Variants in TMEM67 observed in about 807,000 individuals in gnomAD.
TMEM67 encodes transmembrane protein 67, also known as meckelin.
A neutral mutation model predicts 136.6 loss-of-function variants in TMEM67; 124 were observed. That is an observed-to-expected ratio of 0.91 (90% confidence interval 0.78 to 1.05). TMEM67 has a LOEUF of 1.05. Ranked by LOEUF, TMEM67 falls within the 50% of genes least tolerant of loss-of-function variation. TMEM67 has a pLI of 0.00. For synonymous variants in TMEM67, 364 were observed against 390.5 expected (o/e 0.93, Z 0.80); for missense variants, 1,107 against 1,178.4 (o/e 0.94, Z 0.89).
chr8:93,792,773 CTT>C (rs11379711), intron 15 of TMEM67, among the ~76,000 whole-genome samples: 18 of 136,046 alleles, frequency 1.3e-4, no homozygotes, highest in East Asian at 4.2e-4. Context: ...TGTGTCCTTT[CTT>C]TTTTTTTTTT....
chr8:93,755,751 CTTTTTTTTTTTTT>C lies in TMEM67; in HGVS notation c.224-15_224-3del. 2 of 632,468 alleles carry C rather than the reference CTTTTTTTTTTTTT, an allele frequency of 3.2e-6. No homozygotes were observed. The highest frequency in any genetic ancestry group is 2.4e-6 in the Non-Finnish European group (1 of 418,650). 39.2% of individuals were successfully genotyped at this position (632,468 alleles called of 1,614,324 possible). On this transcript the variant is annotated splice_polypyrimidine_tract_variant and intron_variant, in intron 1 of 27. Transcript: ENST00000453321. ...TTTTATTTATCAAGGATAAAATTGG[CTTTTTTTTTTTTT>C]TTTTTTTTTTTAGGAACTTCATGTG...
Position 93,765,584 on chromosome 8 carries a change from T to C in TMEM67, c.589T>C (p.Cys197Arg). 6.2e-7 allele frequency: 1 copy of C among 1,613,126 alleles called. No homozygotes were observed. The highest frequency in any genetic ancestry group is 8.5e-7 in the Non-Finnish European group (1 of 1,179,080). ...TTTATTTATGAAGACAGGGGGATTA[T>C]GTTTCAGCAGCACAGGGAATTTTCC... ...SEPNILTGGL[C>R]FSSTGNFPLR... The change falls in exon 6 of 28, where the codon TGT becomes CGT. Residue 197 changes from cysteine to arginine, a missense_variant. Cys to Arg is a radical substitution (Grantham distance 180). This residue lies in a region of TMEM67 where 925 missense variants were observed against 1,002.4 expected (regional missense o/e 0.92). Transcript: ENST00000453321.
chr8:93,772,805 A>T (rs1027785635), intron 7 of TMEM67, among the ~76,000 whole-genome samples, 154 bp downstream of exon 7: 2 of 152,232 alleles, frequency 1.3e-5, no homozygotes, highest in African/African-American at 4.8e-5. Flanking sequence ...CTGAAAGAGA[A>T]TACATGAAGA....
downstream of TMEM67, among the ~76,000 whole-genome samples, chr8:93,823,142 A>G (rs1002239621): frequency 1.3e-5 from 2 of 152,234 alleles, no homozygotes; most frequent in African/African-American, 4.8e-5. Context: ...ACATAAAAGT[A>G]TCATCTTACA....
chr8:93,819,724 G>A (rs1216854701), downstream of TMEM67, among the ~76,000 whole-genome samples: 5 of 152,172 alleles, frequency 3.3e-5, no homozygotes, highest in Admixed American at 3.3e-4. Flanking sequence ...TGTGCTCAGA[G>A]ACAAAGCAGC....
rs587779735 is a variant in TMEM67, at chr8:93,755,751, CTTTTTTT to C, written c.224-9_224-3del. 61 of 633,080 alleles carry C rather than the reference CTTTTTTT, an allele frequency of 9.6e-5. No individual in the cohort carries two copies. The highest frequency in any genetic ancestry group is 3.0e-4 in the African/African-American group (10 of 33,026). 39.2% of individuals were successfully genotyped at this position (633,080 alleles called of 1,614,324 possible). ...TTTTATTTATCAAGGATAAAATTGG[CTTTTTTT>C]TTTTTTTTTTTTTTTTTAGGAACTT... On this transcript the variant is annotated intron_variant, in intron 1 of 27. Coordinates refer to ENST00000453321, the MANE Select transcript of TMEM67 (RefSeq NM_153704.6).
rs760114713 is a variant in TMEM67, at chr8:93,793,282, A to G, written c.1660A>G (p.Met554Val). Reference sequence around the variant, plus strand: ...ATGGAAGAGGCGCATTGGGAGTCCCATGATTGATTTACAGGTATAATCTCA... The same window carrying G: ...ATGGAAGAGGCGCATTGGGAGTCCCGTGATTGATTTACAGGTATAATCTCA... The part of the protein sequence containing the change: ...AGWKRRIGSP[M>V]IDLQTVVKFL... The change falls in exon 16 of 28, where the codon ATG becomes GTG. Residue 554 changes from methionine (M) to valine (V), a missense_variant. Around this residue, in one of 3 missense-constraint regions of TMEM67, gnomAD observed 925 missense variants for 1,002.4 expected, o/e 0.92. Transcript: ENST00000453321. 2.5e-6 allele frequency: 4 copies of G among 1,613,648 alleles called. No homozygotes were observed. The highest frequency in any genetic ancestry group is 2.2e-5 in the East Asian group (1 of 44,882).
chr8:93,827,747 C>T, the TMEM67 span, among the ~76,000 whole-genome samples: 14 of 151,548 alleles, frequency 9.2e-5, no homozygotes, highest in African/African-American at 2.9e-4. Context: ...CATGAGCCAC[C>T]GTGCCTGGCT....
Position 93,754,922 on chromosome 8 carries a change from C to T in TMEM67, c.8C>T (p.Thr3Met), listed in dbSNP as rs779950527. The change falls in exon 1 of 28, where the codon ACG (threonine) becomes ATG (methionine). Residue 3 changes from threonine to methionine, a missense_variant. By Grantham distance (81) the Thr-to-Met change is moderately conservative. Around this residue, in one of 3 missense-constraint regions of TMEM67, gnomAD observed 178 missense variants for 159.2 expected, o/e 1.12. Transcript: ENST00000453321. The part of the protein sequence containing the change: MA[T>M]RGGAGVAMAV... ...GCTTCCAGCGTCGGTACCATGGCGA[C>T]GCGCGGTGGGGCTGGGGTGGCAATG... 68 of 1,613,640 alleles carry T rather than the reference C, an allele frequency of 4.2e-5. No individual in the cohort carries two copies. The highest frequency in any genetic ancestry group is 5.6e-5 in the Non-Finnish European group (66 of 1,180,008).
At chr8:93,819,194 T>C (rs1341670706), downstream of TMEM67, 2 of 440,872 alleles carry the variant, frequency 4.5e-6, no homozygotes, top group South Asian at 1.7e-5. Flanking sequence ...CCCCAAAATA[T>C]ATTTTTTTCT....
At chr8:93,776,892 T>G (rs1371542913) in intron 7 of TMEM67, among the ~76,000 whole-genome samples, 2 of 152,204 alleles carry the variant, frequency 1.3e-5, no homozygotes, top group African/African-American at 4.8e-5. Context: ...GGATTCCCTC[T>G]TTTTCTATTG....
the TMEM67 span, among the ~76,000 whole-genome samples, chr8:93,825,323 A>G: frequency 2.6e-5 from 4 of 152,228 alleles, no homozygotes; most frequent in Non-Finnish European, 5.9e-5. Flanking sequence ...GTTTCAACTG[A>G]CCACAGGCTC....
At chr8:93,764,021 T>C in intron 4 of TMEM67, 80 bp downstream of exon 4, 1 of 937,392 alleles carries the variant, frequency 1.1e-6, no homozygotes, top group Non-Finnish European at 1.7e-6. Context: ...AGTGTTTTCC[T>C]ATCATATCAC....
intron 7 of TMEM67, among the ~76,000 whole-genome samples, chr8:93,775,411 T>C (rs1351805793): frequency 6.6e-6 from 1 of 152,186 alleles, no homozygotes; most frequent in Non-Finnish European, 1.5e-5. Flanking sequence ...GGTGTTTTAG[T>C]CATGAAGTCC....
chr8:93,756,540 G>A (rs1370512741), intron 2 of TMEM67: 1 of 152,116 alleles, frequency 6.6e-6, no homozygotes, highest in Non-Finnish European at 1.5e-5. Context: ...GGAATTTAAT[G>A]TGAAGTTATC....
intron 27 of TMEM67, 152 bp downstream of exon 27, chr8:93,815,599 T>G (rs1808876033): frequency 5.4e-6 from 4 of 734,690 alleles, no homozygotes; most frequent in Non-Finnish European, 8.8e-6. Flanking sequence ...AAAGAAGGAA[T>G]AACATTTCAA....
intron 23 of TMEM67, 70 bp from the exon 24 acceptor site, chr8:93,808,770 C>A: frequency 3.2e-6 from 3 of 945,856 alleles, no homozygotes; most frequent in Non-Finnish European, 3.5e-6. Flanking sequence ...AAAAAAAGTT[C>A]TGTATTTTCT....
intron 12 of TMEM67, chr8:93,785,624 T>C (rs1328159317): frequency 8.0e-6 from 3 of 377,024 alleles, no homozygotes; most frequent in Non-Finnish European, 1.4e-5. Flanking sequence ...TGAGAAACAT[T>C]AGTAGAACCG....
At chr8:93,803,883 T>G (rs987175925) in intron 22 of TMEM67, among the ~76,000 whole-genome samples, 199 bp downstream of exon 22, 5 of 146,582 alleles carry the variant, frequency 3.4e-5, no homozygotes, top group African/African-American at 1.4e-4. Context: ...TTTTTCATTT[T>G]TTTTTTTTTT....
Sources: allele counts gnomAD v4.1 joint callset (sites outside exome capture counted in the v4.1 genomes callset), GRCh38; gene constraint gnomAD v4.1.1; regional missense constraint gnomAD v4.1.1; transcripts MANE v1.5; gene names NCBI Gene and HGNC (gene_info 2026-07-23, HGNC 2026-07-21).